C19orf12: variants seen among roughly 807,000 people sequenced by gnomAD.
C19orf12 encodes the protein protein C19orf12.
A neutral mutation model predicts 3.8 loss-of-function variants in C19orf12; 2 were observed. That is an observed-to-expected ratio of 0.53 (90% CI 0.22 to 1.66). C19orf12 has a LOEUF of 1.66. Among genes scored for constraint, C19orf12 ranks in the 40% most tolerant of loss-of-function variants. The pLI is 0.20. For missense variants in C19orf12, 156 were observed against 188.8 expected, an observed-to-expected ratio of 0.83 and a Z score of 1.02; for synonymous variants, 89 against 84.6, an observed-to-expected ratio of 1.05 and a Z score of -0.28.
At chr19:29,708,097 T>G (rs2145638771) in intron 2 of C19orf12, among the ~76,000 whole-genome samples, 157 bp downstream of exon 2, 1 of 152,262 alleles carries the variant, frequency 6.6e-6, no homozygotes, top group African/African-American at 2.4e-5. Context: ...CAGGCTAGTC[T>G]CAAACTCCTG....
At chr19:29,710,443 C>T (rs954255974) in intron 1 of C19orf12, among the ~76,000 whole-genome samples, 2 of 152,144 alleles carry the variant, frequency 1.3e-5, no homozygotes, top group Admixed American at 1.3e-4. Flanking sequence ...TTGTCAGATA[C>T]AGCCAGTATG....
At position 29,700,402 on chromosome 19, in the gene C19orf12, G is replaced by A. The variant is rs370293548; in HGVS notation, c.*2310C>T. On this transcript the variant is annotated 3_prime_UTR_variant, in exon 3 of 3. Transcript: ENST00000323670. ...ATTCTCACGATATCTGCAAATCAAC[G>A]TTTTTTCCTTCACACTAAAAACGGG... 5.3e-4 allele frequency: 240 copies of A among 454,104 alleles called. 3 individuals carry two copies. The highest frequency in any genetic ancestry group is 3.5e-3 in the South Asian group (225 of 64,478). The allele number at this position is 454,104 out of a possible 1,614,324, so 28.1% of individuals were successfully genotyped here.
chr19:29,715,418 A>G, upstream of C19orf12: 1 of 409,590 alleles, frequency 2.4e-6, no homozygotes, highest in Admixed American at 2.6e-5. Context: ...CGCCGCTGTC[A>G]CCGGGGCCCT....
chr19:29,710,633 G>C (rs1169760640), intron 1 of C19orf12, among the ~76,000 whole-genome samples: 5 of 152,188 alleles, frequency 3.3e-5, no homozygotes, highest in African/African-American at 1.2e-4. Flanking sequence ...GAGTATGAGA[G>C]GCAGTGGGAG....
intron 1 of C19orf12, among the ~76,000 whole-genome samples, chr19:29,711,777 C>T (rs574149081): frequency 7.9e-5 from 12 of 151,902 alleles, no homozygotes; most frequent in Non-Finnish European, 1.2e-4. Flanking sequence ...CTTCCCCCCC[C>T]AAAAAAAACC....
chr19:29,714,829 C>T, intron 1 of C19orf12: 1 of 618,388 alleles, frequency 1.6e-6, no homozygotes, highest in East Asian at 3.1e-5. Context: ...CACCCCCACC[C>T]ACCACACCCA....
rs765448305 is a variant in C19orf12, at chr19:29,702,811, C to A, written c.327G>T (p.Ala109=). Residue 109 remains alanine (A), a synonymous_variant, in exon 3 of 3, where the codon GCG becomes GCT. Transcript: ENST00000323670. ...LEWTDAVQLT[A]LVMGSEALQQ... is the part of the protein sequence containing the mutation. Reference sequence around the variant, plus strand: ...GCAGGGCCTCGCTGCCCATGACCAGCGCGGTCAGCTGCACGGCGTCCGTCC... The same window carrying A: ...GCAGGGCCTCGCTGCCCATGACCAGAGCGGTCAGCTGCACGGCGTCCGTCC... 1 of 1,613,952 alleles carries A rather than the reference C, an allele frequency of 6.2e-7. No homozygotes were observed. The highest frequency in any genetic ancestry group is 8.5e-7 in the Non-Finnish European group (1 of 1,179,936).
intron 2 of C19orf12, among the ~76,000 whole-genome samples, chr19:29,703,685 G>A (rs1972233775): frequency 1.3e-5 from 2 of 152,024 alleles, no homozygotes. Context: ...AGCCACAAAT[G>A]CATTTTCAAG....
chr19:29,699,021 C>T lies in C19orf12; in HGVS notation c.*3691G>A, dbSNP rs1416499216. The T allele has an allele frequency of 2.2e-6, 1 of 453,916 alleles. No homozygotes were observed. The highest frequency in any genetic ancestry group is 6.9e-4 in the Middle Eastern group (1 of 1,444). 28.1% of individuals were successfully genotyped at this position (453,916 alleles called of 1,614,324 possible). ...GTAGTAAAAATCCACAAATGGAATTCACACCAGGCACATGGTTAGGCACAG... is the reference window on the plus strand; with the variant it reads ...GTAGTAAAAATCCACAAATGGAATTTACACCAGGCACATGGTTAGGCACAG... On this transcript the variant is annotated 3_prime_UTR_variant, in exon 3 of 3. Coordinates refer to ENST00000323670, the MANE Select transcript of C19orf12 (RefSeq NM_031448.6).
chr19:29,709,816 C>T (rs1972579436), intron 1 of C19orf12, among the ~76,000 whole-genome samples: 1 of 152,112 alleles, frequency 6.6e-6, no homozygotes, highest in African/African-American at 2.4e-5. Context: ...AGGCGTGAGC[C>T]ACTACATTTG....
At chr19:29,715,334 C>T (rs1172348492), upstream of C19orf12, 1 of 391,134 alleles carries the variant, frequency 2.6e-6, no homozygotes, top group Non-Finnish European at 5.1e-6. Context: ...CAGCTCCTGG[C>T]TCCGAGCTGC....
chr19:29,705,362 G>A (rs1333195365), intron 2 of C19orf12: 19 of 413,462 alleles, frequency 4.6e-5, no homozygotes, highest in Admixed American at 3.6e-4. Flanking sequence ...GAAAGCAGGC[G>A]ATTCAATGCA....
rs761848024 is a variant in C19orf12 at position 29,699,538 on chromosome 19, A to G, written c.*3174T>C. On this transcript the variant is annotated 3_prime_UTR_variant, in exon 3 of 3. Coordinates refer to ENST00000323670, the MANE Select transcript of C19orf12 (RefSeq NM_031448.6). ...TATATGTGTACCTACATAGCATTAA[A>G]ACAATTGCAGGAAAGACACCAAATC... is the stretch of plus-strand genomic sequence containing the variant. 12 of 453,520 alleles carry G rather than the reference A, an allele frequency of 2.6e-5. No individual in the cohort carries two copies. Among genetic ancestry groups the G allele is most frequent in the Non-Finnish European group, 4.9e-5 (11 of 226,742 alleles). 28.1% of individuals were successfully genotyped at this position (453,520 alleles called of 1,614,324 possible).
Position 29,702,771 on chromosome 19 carries a change from C to A in C19orf12, c.367G>T (p.Ala123Ser). 6.2e-7 allele frequency: 1 copy of A among 1,613,910 alleles called. No individual in the cohort carries two copies. The highest frequency in any genetic ancestry group is 1.1e-5 in the South Asian group (1 of 91,086). The change falls in exon 3 of 3, where the codon GCC (alanine) becomes TCC (serine). Residue 123 changes from alanine (A) to serine (S), a missense_variant. Coordinates refer to ENST00000323670, the MANE Select transcript of C19orf12 (RefSeq NM_031448.6). ...GSEALQQQLL[A>S]MLVNYVTKEL... The stretch of plus-strand genomic sequence containing the variant: ...TTGGTGACGTAGTTCACCAGCATGG[C>A]CAGCAGCTGCTGCTGCAGGGCCTCG...
Position 29,702,501 on chromosome 19 carries a change from G to T in C19orf12, c.*211C>A. The T allele has an allele frequency of 1.3e-6, 1 of 750,544 alleles. No homozygotes were observed. Among genetic ancestry groups the T allele is most frequent in the Non-Finnish European group, 2.3e-6 (1 of 431,880 alleles). The allele number at this position is 750,544 out of a possible 1,614,324, so 46.5% of individuals were successfully genotyped here. A position where few individuals can be genotyped will look rare whatever the true frequency, so the allele number is the denominator to read the frequency against. On this transcript the variant is annotated 3_prime_UTR_variant, in exon 3 of 3. Coordinates refer to ENST00000323670, the MANE Select transcript of C19orf12 (RefSeq NM_031448.6). ...CAGAGGGCTGTCATGGCAGGCCAGT[G>T]CACATGCCACCAACACATGCTGCTT... is the stretch of plus-strand genomic sequence containing the variant.
intron 2 of C19orf12, among the ~76,000 whole-genome samples, chr19:29,703,417 GT>G (rs1280953496): frequency 2.5e-5 from 3 of 120,342 alleles, no homozygotes; most frequent in Non-Finnish European, 4.9e-5. Context: ...GTCTTGCTCT[GT>G]TGCCCAGGCT....
At chr19:29,710,694 CCTGGGGGTCCCTGCT>C (rs1972620049) in intron 1 of C19orf12, among the ~76,000 whole-genome samples, 1 of 152,190 alleles carries the variant, frequency 6.6e-6, no homozygotes. Context: ...AGCACTCAGG[CCTGGGGGTCCCTGCT>C]CTGGCTACCC....
rs892362676 is a variant in C19orf12, at chr19:29,699,897, G to A, written c.*2815C>T. On this transcript the variant is annotated 3_prime_UTR_variant, in exon 3 of 3. Coordinates refer to ENST00000323670, the MANE Select transcript of C19orf12 (RefSeq NM_031448.6). ...AAAACCACAGGAGCTGAGAAGCAGC[G>A]CTTGATTTCCTGGGGGAAATCAAGA... 2.7e-5 allele frequency: 12 copies of A among 448,938 alleles called. No homozygotes were observed. The highest frequency in any genetic ancestry group is 1.2e-4 in the African/African-American group (6 of 49,686). The allele number at this position is 448,938 out of a possible 1,614,324, so 27.8% of individuals were successfully genotyped here.
Position 29,699,303 on chromosome 19 carries a change from TAAAAATAAAAA to T in C19orf12, c.*3398_*3408del, listed in dbSNP as rs1329300339. 8.1e-6 allele frequency: 3 copies of T among 369,466 alleles called. No homozygotes were observed. The highest frequency in any genetic ancestry group is 1.5e-4 in the East Asian group (2 of 13,034). The allele number at this position is 369,466 out of a possible 1,614,324, so 22.9% of individuals were successfully genotyped here. ...TAACATGGTGAAACCCCGTCTCTAC[TAAAAATAAAAA>T]AAAAATAAAAAAATAAAAATTAGCC... On this transcript the variant is annotated 3_prime_UTR_variant, in exon 3 of 3. Transcript: ENST00000323670.
Sources: allele counts gnomAD v4.1 joint callset (sites outside exome capture counted in the v4.1 genomes callset), GRCh38; gene constraint gnomAD v4.1.1; transcripts MANE v1.5; gene names NCBI Gene and HGNC (gene_info 2026-07-23, HGNC 2026-07-21).